The following CFAP54 variants were observed in gnomAD, a reference collection of about 807,000 sequenced individuals.
The protein encoded by CFAP54 is cilia- and flagella-associated protein 54.
A neutral mutation model predicts 370.4 loss-of-function variants in CFAP54; 290 were observed. The ratio of observed to expected loss-of-function variants is 0.78; its 90% CI spans 0.71 to 0.86. CFAP54 has a LOEUF of 0.86. Among genes scored for constraint, CFAP54 ranks in the 40% least tolerant of loss-of-function variants. The pLI is 0.00. For missense variants in CFAP54, 3,399 were observed against 3,528.7 expected (o/e 0.96, Z 0.93); for synonymous variants, 1,206 against 1,236.5 (o/e 0.98, Z 0.52).
chr12:96,683,376 C>T (rs576100796), intron 40 of CFAP54, among the ~76,000 whole-genome samples: 1 of 152,288 alleles, frequency 6.6e-6, no homozygotes, highest in South Asian at 2.1e-4. Context: ...ACATGATTTT[C>T]TAAAATGGCA....
chr12:96,812,165 A>G (rs1475106453), intron 64 of CFAP54, among the ~76,000 whole-genome samples: 1 of 152,190 alleles, frequency 6.6e-6, no homozygotes, highest in South Asian at 2.1e-4. Flanking sequence ...GGAACAGTTC[A>G]TACATGCTTC....
At chr12:96,639,334 A>G (rs1005104301) in intron 32 of CFAP54, among the ~76,000 whole-genome samples, 1 of 152,266 alleles carries the variant, frequency 6.6e-6, no homozygotes, top group Admixed American at 6.5e-5. Context: ...TCTAGAATAA[A>G]TGGATAAATT....
chr12:96,867,172 G>A (rs1180621985), intron 67 of CFAP54, among the ~76,000 whole-genome samples: 1 of 152,112 alleles, frequency 6.6e-6, no homozygotes, highest in African/African-American at 2.4e-5. Context: ...AGACACATTA[G>A]TATTTCTCTG....
In CFAP54 at chr12:96,625,719, T is replaced by C. The variant is rs1467154818; in HGVS notation, c.3888T>C (p.Tyr1296=). Residue 1296 remains tyrosine, a splice_region_variant and synonymous_variant, in exon 29 of 68, where the codon TAT becomes TAC. Transcript: ENST00000524981. ...AACTTTTGAATTTTTTAACCTTAGA[T>C]GTTACATCTGAACTCTCAGGAGGAG... ...ETHLLKLTKQ[Y]VTSELSGGED... The C allele has an allele frequency of 6.5e-7, 1 of 1,531,372 alleles. No individual in the cohort carries two copies. The highest frequency in any genetic ancestry group is 1.2e-5 in the South Asian group (1 of 83,204). 94.9% of individuals were successfully genotyped at this position (1,531,372 alleles called of 1,614,324 possible). A position where few individuals can be genotyped will look rare whatever the true frequency, so the allele number is the denominator to read the frequency against.
At chr12:96,871,175 GA>G (rs1565769491) in intron 67 of CFAP54, among the ~76,000 whole-genome samples, 1 of 152,214 alleles carries the variant, frequency 6.6e-6, no homozygotes, top group Non-Finnish European at 1.5e-5. Context: ...AGACTCCAGA[GA>G]ATCCAATGGA....
chr12:96,785,835 C>A (rs1958623614), intron 61 of CFAP54, among the ~76,000 whole-genome samples: 1 of 152,196 alleles, frequency 6.6e-6, no homozygotes, highest in African/African-American at 2.4e-5. Flanking sequence ...ACAGGAGTAA[C>A]CTTCAGCTAT....
At chr12:96,519,977 T>A (rs1277656187) in intron 6 of CFAP54, among the ~76,000 whole-genome samples, 2 of 152,146 alleles carry the variant, frequency 1.3e-5, no homozygotes, top group East Asian at 3.9e-4. Context: ...TACACTCTTG[T>A]CTTGCTTTTC....
chr12:96,681,525 C>T (rs903290580), intron 40 of CFAP54, among the ~76,000 whole-genome samples: 1 of 152,056 alleles, frequency 6.6e-6, no homozygotes, highest in African/African-American at 2.4e-5. Context: ...CCACAAGAAG[C>T]AAAGCTTTAT....
At chr12:96,520,757 A>G (rs1262403843) in intron 6 of CFAP54, among the ~76,000 whole-genome samples, 1 of 151,958 alleles carries the variant, frequency 6.6e-6, no homozygotes, top group Non-Finnish European at 1.5e-5. Context: ...GCTCTAGTCA[A>G]CCTCTTTGGC....
chr12:96,615,591 GA>G lies in CFAP54; in HGVS notation c.3640-5995del, dbSNP rs1212849792. Among the ~76,000 whole-genome samples the G allele has an allele frequency of 3.9e-5, 6 of 152,224 alleles. 1 individual carries two copies. Among genetic ancestry groups the G allele is most frequent in the Non-Finnish European group, 8.8e-5 (6 of 68,008 alleles). The stretch of plus-strand genomic sequence containing the variant: ...TGAACAGGCAACCTACAGAATGGGA[GA>G]AAATTTTTGCAATCTATCCATCTGA... On this transcript the variant is annotated intron_variant, in intron 26 of 67. Transcript: ENST00000524981.
At chr12:96,651,919 T>G (rs893966680) in intron 36 of CFAP54, 104 bp downstream of exon 36, 46 of 719,046 alleles carry the variant, frequency 6.4e-5, no homozygotes, top group Admixed American at 4.7e-4. Context: ...TCTCATTTGG[T>G]TTGTCTACAT....
At position 96,784,491 on chromosome 12, in the gene CFAP54, T is replaced by TTAGAG. The variant is rs779969442; in HGVS notation, c.8282-226_8282-225insTAGAG. ...TGATTGATGCAAAGTGTTTACACAT[T>TTAGAG]AAAGAGAGTTCATATATATATATAT... On this transcript the variant is annotated intron_variant, in intron 60 of 67. Transcript: ENST00000524981. Among the ~76,000 whole-genome samples the TTAGAG allele has an allele frequency of 9.5e-3, 1,446 of 152,152 alleles. 52 individuals are homozygous for TTAGAG. In the East Asian group the frequency reaches 0.1, roughly 11 times the overall value.
chr12:96,658,223 A>G lies in CFAP54; in HGVS notation c.5337A>G (p.Thr1779=), dbSNP rs1224854382. ...TACCCCTGTCTAGTGAGAGGTATAC[A>G]GAACAAGTGACACCACTTCTGGTGT... ...QFNTVSHERY[T]EQVTPLLVYA... is the part of the protein sequence containing the mutation. The change falls in exon 38 of 68, where the codon ACA becomes ACG. Residue 1779 remains threonine, a synonymous_variant. Transcript: ENST00000524981. The G allele has an allele frequency of 1.2e-6, 2 of 1,614,028 alleles. No homozygotes were observed. Among genetic ancestry groups the G allele is most frequent in the Non-Finnish European group, 8.5e-7 (1 of 1,179,958 alleles).
At chr12:96,820,239 G>C (rs918298224) in intron 65 of CFAP54, among the ~76,000 whole-genome samples, 4 of 152,080 alleles carry the variant, frequency 2.6e-5, no homozygotes, top group African/African-American at 9.7e-5. Context: ...CTTAAATCAT[G>C]TTCTGCTAGG....
rs1384911202 is a variant in CFAP54, at chr12:96,621,698, G to A, written c.3748G>A (p.Glu1250Lys). Residue 1250 changes from glutamate (E) to lysine (K), a missense_variant, in exon 27 of 68, where the codon GAA (glutamate) becomes AAA (lysine). Coordinates refer to ENST00000524981, the MANE Select transcript of CFAP54 (RefSeq NM_001306084.2). ...CAAGTCTCTGTTTGATGGTAGTAAT[G>A]AACAAGAAGAAATGCCAGAGGAGGT... ...GCKSLFDGSN[E>K]QEEMPEEDSS... 6.6e-7 allele frequency: 1 copy of A among 1,523,680 alleles called. No homozygotes were observed. The highest frequency in any genetic ancestry group is 8.8e-7 in the Non-Finnish European group (1 of 1,140,894). 94.4% of individuals were successfully genotyped at this position (1,523,680 alleles called of 1,614,324 possible).
intron 20 of CFAP54, among the ~76,000 whole-genome samples, chr12:96,578,885 C>A (rs1009087845): frequency 6.6e-6 from 1 of 152,132 alleles, no homozygotes; most frequent in Non-Finnish European, 1.5e-5. Context: ...AAAGTTAGTA[C>A]TGATTTGTTC....
chr12:96,686,728 C>T (rs1389343673), intron 42 of CFAP54, among the ~76,000 whole-genome samples: 4 of 152,092 alleles, frequency 2.6e-5, no homozygotes, highest in African/African-American at 9.7e-5. Context: ...GGCCCCACCT[C>T]CAATACTGGG....
intron 1 of CFAP54, among the ~76,000 whole-genome samples, chr12:96,491,217 GAT>G (rs1954880654): frequency 6.6e-6 from 1 of 152,126 alleles, no homozygotes; most frequent in Non-Finnish European, 1.5e-5. Context: ...AGATGAGAAA[GAT>G]ATGGGAGCAA....
At chr12:96,822,085 G>A (rs1362195185) in intron 65 of CFAP54, among the ~76,000 whole-genome samples, 1 of 152,094 alleles carries the variant, frequency 6.6e-6, no homozygotes, top group Admixed American at 6.5e-5. Flanking sequence ...TGTATTGGGA[G>A]GACTACAGAA....
Sources: allele counts gnomAD v4.1 joint callset (sites outside exome capture counted in the v4.1 genomes callset), GRCh38; gene constraint gnomAD v4.1.1; transcripts MANE v1.5; gene names NCBI Gene and HGNC (gene_info 2026-07-23, HGNC 2026-07-21).